The following RWDD4 variants were observed in gnomAD, a reference collection of about 807,000 sequenced individuals.
RWDD4 encodes the protein RWD domain-containing protein 4.
A neutral mutation model predicts 30.0 loss-of-function variants in RWDD4; 16 were observed. The observed-to-expected ratio is 0.53, with a 90% CI of 0.36 to 0.81. RWDD4 has a LOEUF of 0.81. Among genes scored for constraint, RWDD4 ranks in the 30% least tolerant of loss-of-function variants. RWDD4 has a pLI of 0.00. For synonymous variants in RWDD4, 45 were observed against 72.1 expected, an observed-to-expected ratio of 0.62 and a Z score of 1.90; for missense variants, 170 against 223.9, an observed-to-expected ratio of 0.76 and a Z score of 1.54.
chr4:183,649,417 A>C lies in RWDD4; in HGVS notation c.481+34T>G, dbSNP rs1027093674. On this transcript the variant is annotated intron_variant, in intron 5 of 7. Coordinates refer to ENST00000326397, the MANE Select transcript of RWDD4 (RefSeq NM_152682.4). ...CAACAAGAGTGAGACTCTGTCAAAA[A>C]AAAGAAAAGAAAAGAAAAGAAACAC... is the stretch of plus-strand genomic sequence containing the variant. The C allele has an allele frequency of 2.9e-6, 4 of 1,356,128 alleles. No homozygotes were observed. In the African/African-American group the frequency reaches 5.8e-5, roughly 20 times the overall value. 84.0% of individuals were successfully genotyped at this position (1,356,128 alleles called of 1,614,324 possible). A position where few individuals can be genotyped will look rare whatever the true frequency, so the allele number is the denominator to read the frequency against.
At position 183,651,148 on chromosome 4, in the gene RWDD4, A is replaced by G. The variant is rs201198126; in HGVS notation, c.216-17T>C. On this transcript the variant is annotated splice_polypyrimidine_tract_variant and intron_variant, in intron 3 of 7. Transcript: ENST00000326397. Reference sequence around the variant, plus strand: ...GCTGATGATCTACAATGCACAACAAAAATACCTTGCTGAGAGAAAAGTATA... The same window carrying G: ...GCTGATGATCTACAATGCACAACAAGAATACCTTGCTGAGAGAAAAGTATA... 1.2e-6 allele frequency: 2 copies of G among 1,613,866 alleles called. No individual in the cohort carries two copies. Among genetic ancestry groups the G allele is most frequent in the African/African-American group, 1.3e-5 (1 of 74,908 alleles).
intron 2 of RWDD4, among the ~76,000 whole-genome samples, chr4:183,655,528 C>T (rs1734175509): frequency 1.3e-5 from 2 of 152,136 alleles, no homozygotes; most frequent in African/African-American, 2.4e-5. Flanking sequence ...TCGTGATCCG[C>T]CCACCTTGGC....
At chr4:183,656,064 G>A (rs1053853610) in intron 1 of RWDD4, 103 bp from the exon 2 acceptor site, 2 of 746,528 alleles carry the variant, frequency 2.7e-6, no homozygotes, top group Non-Finnish European at 4.6e-6. Flanking sequence ...GTAAAAGCTT[G>A]ACTAACTTAT....
rs183494930 is a variant in RWDD4 at position 183,656,367 on chromosome 4, T to C, written c.25-406A>G. Among the ~76,000 whole-genome samples the C allele has an allele frequency of 2.4e-4, 36 of 152,296 alleles. No individual in the cohort carries two copies. In the East Asian group the frequency reaches 3.9e-3, roughly 16 times the overall value. On this transcript the variant is annotated intron_variant, in intron 1 of 7. Coordinates refer to ENST00000326397, the MANE Select transcript of RWDD4 (RefSeq NM_152682.4). Reference sequence around the variant, plus strand: ...TAAAGATAAGAACTATGAAAAACAATACTTTCCCATTATTTACATACATTT... The same window carrying C: ...TAAAGATAAGAACTATGAAAAACAACACTTTCCCATTATTTACATACATTT...
chr4:183,657,307 T>C (rs1734215609), intron 1 of RWDD4, among the ~76,000 whole-genome samples: 1 of 152,164 alleles, frequency 6.6e-6, no homozygotes, highest in South Asian at 2.1e-4. Context: ...TAAGATTAGA[T>C]TGGAACAAAA....
intron 1 of RWDD4, among the ~76,000 whole-genome samples, chr4:183,658,551 G>A (rs1033674116): frequency 6.6e-6 from 1 of 152,178 alleles, no homozygotes; most frequent in African/African-American, 2.4e-5. Flanking sequence ...CCCTCTACTA[G>A]CCAAGAGATT....
In RWDD4 at chr4:183,658,943, T is replaced by C; in HGVS notation, c.10A>G (p.Asn4Asp). Residue 4 changes from asparagine (N) to aspartate (D), a missense_variant, in exon 1 of 8, where the codon AAC becomes GAC. Transcript: ENST00000326397. ...GGGGGGCTCACCTCCTGGTCCTCGT[T>C]GGCACTCATCGCGCCGGTCGCGGGG... MSANEDQEMELEAL... is the reference protein window; with the variant it reads MSADEDQEMELEAL... The C allele has an allele frequency of 1.6e-6, 2 of 1,274,544 alleles. No individual in the cohort carries two copies. The highest frequency in any genetic ancestry group is 2.0e-6 in the Non-Finnish European group (2 of 1,011,490). The allele number at this position is 1,274,544 out of a possible 1,614,324, so 79.0% of individuals were successfully genotyped here.
rs201296160 is a variant in RWDD4, at chr4:183,643,059, AAAATAAATAAAT to A, written c.535-1603_535-1592del. 7.6e-3 allele frequency among the ~76,000 whole-genome samples: 860 copies of A among 112,458 alleles called. 6 individuals carry two copies. The highest frequency in any genetic ancestry group is 0.027 in the African/African-American group (761 of 28,268). The allele number at this position is 112,458 out of a possible 152,430, so 73.8% of individuals were successfully genotyped here. A position where few individuals can be genotyped will look rare whatever the true frequency, so the allele number is the denominator to read the frequency against. ...GGGTGACAGAGCGAGACTCCGTTCA[AAAATAAATAAAT>A]AAATAAATAAATAAATAAATAAATA... On this transcript the variant is annotated intron_variant, in intron 7 of 7. Transcript: ENST00000326397.
chr4:183,647,147 T>C (rs1422040826), intron 5 of RWDD4, among the ~76,000 whole-genome samples: 1 of 152,208 alleles, frequency 6.6e-6, no homozygotes, highest in Non-Finnish European at 1.5e-5. Flanking sequence ...GTGCTTTTAT[T>C]ATTTTAACAG....
intron 2 of RWDD4, among the ~76,000 whole-genome samples, chr4:183,654,900 T>C (rs1734152832): frequency 6.7e-6 from 1 of 149,014 alleles, no homozygotes; most frequent in African/African-American, 2.6e-5. Context: ...GTAAATCTTT[T>C]ACAAAAAAAA....
intron 1 of RWDD4, 143 bp downstream of exon 1, chr4:183,658,786 C>T: frequency 1.6e-6 from 1 of 637,408 alleles, no homozygotes; most frequent in Non-Finnish European, 2.2e-6. Flanking sequence ...TTGGGTGGGA[C>T]GCCGGTGAAC....
At position 183,656,102 on chromosome 4, in the gene RWDD4, G is replaced by A. The variant is rs1312448034; in HGVS notation, c.25-141C>T. On this transcript the variant is annotated intron_variant, in intron 1 of 7. Coordinates refer to ENST00000326397, the MANE Select transcript of RWDD4 (RefSeq NM_152682.4). ...AACCTTAGATACTTACCACATAGGT[G>A]CATGCAGCAACACATGACAATATTA... 5.0e-6 allele frequency: 3 copies of A among 595,004 alleles called. No individual in the cohort carries two copies. The South Asian group carries it at 6.4e-5, about 13-fold the overall frequency. The allele number at this position is 595,004 out of a possible 1,614,324, so 36.9% of individuals were successfully genotyped here.
intron 2 of RWDD4, among the ~76,000 whole-genome samples, 162 bp downstream of exon 2, chr4:183,655,719 C>T (rs776515115): frequency 4.6e-5 from 7 of 152,050 alleles, no homozygotes; most frequent in Non-Finnish European, 7.4e-5. Context: ...AGTTTTCAAA[C>T]GTTAAAAATG....
At position 183,651,265 on chromosome 4, in the gene RWDD4, G is replaced by C. The variant is rs1456424922; in HGVS notation, c.168C>G (p.Pro56=). The change falls in exon 3 of 8, where the codon CCC becomes CCG. Residue 56 remains proline (P), a synonymous_variant. Transcript: ENST00000326397. ...LIEISWTETY[P]QTPPILSMNA... ...TCATAGATAGAATTGGAGGTGTTTG[G>C]GGATATGTTTCTGTCCAGGAAATCT... is the stretch of plus-strand genomic sequence containing the variant. 6.2e-7 allele frequency: 1 copy of C among 1,612,966 alleles called. No homozygotes were observed. Among genetic ancestry groups the C allele is most frequent in the Non-Finnish European group, 8.5e-7 (1 of 1,179,986 alleles).
chr4:183,645,851 T>C (rs1561009701), intron 7 of RWDD4, among the ~76,000 whole-genome samples: 1 of 152,160 alleles, frequency 6.6e-6, no homozygotes, highest in Non-Finnish European at 1.5e-5. Flanking sequence ...TCAGTTTCCA[T>C]ATATTGTTGA....
chr4:183,644,544 A>G (rs963971896), intron 7 of RWDD4, among the ~76,000 whole-genome samples: 1 of 152,222 alleles, frequency 6.6e-6, no homozygotes, highest in Non-Finnish European at 1.5e-5. Flanking sequence ...TGGGAGGCAG[A>G]GGTGAGGGGG....
At position 183,641,728 on chromosome 4, in the gene RWDD4, GAAGTA is replaced by G. The variant is rs897543688; in HGVS notation, c.535-265_535-261del. Among the ~76,000 whole-genome samples, 13 of 152,218 alleles carry G rather than the reference GAAGTA, an allele frequency of 8.5e-5. 1 individual carries two copies. The South Asian group carries it at 2.3e-3, about 27-fold the overall frequency. On this transcript the variant is annotated intron_variant, in intron 7 of 7. Coordinates refer to ENST00000326397, the MANE Select transcript of RWDD4 (RefSeq NM_152682.4). ...GCGGGACACTCTTGAAGCTTTCTAG[GAAGTA>G]AACTGGAACCAAGAATATACAAATA... is the stretch of plus-strand genomic sequence containing the variant.
rs189108987 is a variant in RWDD4 at position 183,650,773 on chromosome 4, G to C, written c.363+211C>G. Among the ~76,000 whole-genome samples the C allele has an allele frequency of 3.0e-3, 457 of 152,166 alleles. 3 individuals carry two copies. The highest frequency in any genetic ancestry group is 0.01 in the Middle Eastern group (3 of 294). On this transcript the variant is annotated intron_variant, in intron 4 of 7. Transcript: ENST00000326397. ...GCATGTTATATATATTCTAGTCTTTGATAAAGGATAAAAATCTAGAGAATA... is the reference window on the plus strand; with the variant it reads ...GCATGTTATATATATTCTAGTCTTTCATAAAGGATAAAAATCTAGAGAATA...
intron 5 of RWDD4, among the ~76,000 whole-genome samples, chr4:183,648,724 T>C (rs1051661983): frequency 6.6e-6 from 1 of 152,178 alleles, no homozygotes; most frequent in African/African-American, 2.4e-5. Context: ...AGGTAGAACA[T>C]GTTTTTGTAG....
Sources: allele counts gnomAD v4.1 joint callset (sites outside exome capture counted in the v4.1 genomes callset), GRCh38; gene constraint gnomAD v4.1.1; transcripts MANE v1.5; gene names NCBI Gene and HGNC (gene_info 2026-07-23, HGNC 2026-07-21).